SLC12A8: variants seen among roughly 807,000 people sequenced by gnomAD.
SLC12A8 encodes the protein solute carrier family 12 member 8, also known as cation-chloride cotransporter 9.
Under a neutral mutation model 75.6 loss-of-function variants are expected in SLC12A8, and 69 were observed. The observed-to-expected ratio is 0.91, with a 90% confidence interval of 0.75 to 1.11. SLC12A8 has a LOEUF of 1.11. Among genes scored for constraint, SLC12A8 ranks in the 50% most tolerant of loss-of-function variants. The probability of loss-of-function intolerance (pLI) is 0.00; values close to 1 mark genes in which losing one functional copy is unlikely to be tolerated. For synonymous variants in SLC12A8, 365 were observed against 372.8 expected (o/e 0.98, Z 0.24); for missense variants, 877 against 896.7 (o/e 0.98, Z 0.28).
intron 13 of SLC12A8, among the ~76,000 whole-genome samples, chr3:125,084,274 C>T (rs1029824522): frequency 6.6e-6 from 1 of 151,776 alleles, no homozygotes; most frequent in Non-Finnish European, 1.5e-5. Context: ...GTGATATTTA[C>T]CCTCCCTAAG....
intron 8 of SLC12A8, among the ~76,000 whole-genome samples, chr3:125,111,465 C>T (rs551844684): frequency 3.3e-5 from 5 of 152,320 alleles, no homozygotes; most frequent in East Asian, 1.9e-4. Flanking sequence ...CATCTGTACC[C>T]ACAGGAAAGC....
At chr3:125,156,100 T>A (rs147384475) in intron 5 of SLC12A8, among the ~76,000 whole-genome samples, 1 of 152,268 alleles carries the variant, frequency 6.6e-6, no homozygotes, top group Non-Finnish European at 1.5e-5. Context: ...CTCATCATGC[T>A]CTCACGGGGC....
intron 2 of SLC12A8, among the ~76,000 whole-genome samples, chr3:125,195,560 T>C (rs1934993214): frequency 6.6e-6 from 1 of 152,006 alleles, no homozygotes; most frequent in Non-Finnish European, 1.5e-5. Context: ...AAAGCTGGGG[T>C]TGAAATCTAG....
At chr3:125,090,807 T>C (rs2107731671) in intron 12 of SLC12A8, among the ~76,000 whole-genome samples, 1 of 152,354 alleles carries the variant, frequency 6.6e-6, no homozygotes, top group Non-Finnish European at 1.5e-5. Flanking sequence ...TGTTTGTGTC[T>C]TTACATATAA....
intron 10 of SLC12A8, among the ~76,000 whole-genome samples, chr3:125,101,500 C>T (rs141720846): frequency 8.5e-5 from 13 of 152,238 alleles, no homozygotes; most frequent in East Asian, 5.8e-4. Flanking sequence ...AAAAATAATA[C>T]GCTTTGGAAG....
chr3:125,088,378 G>A lies in SLC12A8; in HGVS notation c.1922-8C>T. On this transcript the variant is annotated splice_region_variant and splice_polypyrimidine_tract_variant and intron_variant, in intron 12 of 13. Coordinates refer to ENST00000469902, the MANE Select transcript of SLC12A8 (RefSeq NM_024628.6). Reference sequence around the variant, plus strand: ...TGAAGTTGGAGGCTGATCCTGCAGGGAAGACATATACATAACCATTTTTGA... The same window carrying A: ...TGAAGTTGGAGGCTGATCCTGCAGGAAAGACATATACATAACCATTTTTGA... The A allele has an allele frequency of 1.2e-6, 2 of 1,614,064 alleles. No individual in the cohort carries two copies. Among genetic ancestry groups the A allele is most frequent in the Non-Finnish European group, 1.7e-6 (2 of 1,179,952 alleles).
chr3:125,127,406 T>A (rs1003850800), intron 6 of SLC12A8, among the ~76,000 whole-genome samples: 5 of 152,212 alleles, frequency 3.3e-5, no homozygotes, highest in African/African-American at 1.2e-4. Context: ...ATGTGTTCTC[T>A]CTTTATGGGA....
chr3:125,124,961 A>T (rs1411718086), intron 6 of SLC12A8, among the ~76,000 whole-genome samples: 1 of 152,200 alleles, frequency 6.6e-6, no homozygotes, highest in Non-Finnish European at 1.5e-5. Context: ...TACATTTTTT[A>T]AAAAGTTCCA....
chr3:125,212,608 G>A (rs964583576), intron 1 of SLC12A8, 92 bp downstream of exon 1: 1 of 152,690 alleles, frequency 6.5e-6, no homozygotes, highest in Non-Finnish European at 1.5e-5. Flanking sequence ...TGGGGGCAAA[G>A]GTGACCCCAG....
chr3:125,086,258 A>G (rs1308006729), intron 13 of SLC12A8, among the ~76,000 whole-genome samples: 1 of 152,198 alleles, frequency 6.6e-6, no homozygotes, highest in Non-Finnish European at 1.5e-5. Context: ...AATAAGTTTG[A>G]TGTTGACTTA....
chr3:125,130,579 G>A (rs948119165), intron 6 of SLC12A8, among the ~76,000 whole-genome samples: 3 of 147,216 alleles, frequency 2.0e-5, no homozygotes, highest in African/African-American at 5.0e-5. Context: ...GTGACAGAGC[G>A]AGACCCTGTC....
rs536986298 is a variant in SLC12A8, at chr3:125,129,348, GGAGAAGGAATGCACTTT to G, written c.736+6304_736+6320del. On this transcript the variant is annotated intron_variant, in intron 6 of 13. Transcript: ENST00000469902. ...CAGGGAAAGTTTGGTAGTGGAGCTT[GGAGAAGGAATGCACTTT>G]GAGAAGGAATGCACTTTAAGAAGCA... Among the ~76,000 whole-genome samples, 79 of 152,302 alleles carry G rather than the reference GGAGAAGGAATGCACTTT, an allele frequency of 5.2e-4. No individual in the cohort carries two copies. The South Asian group carries it at 0.014, about 27-fold the overall frequency.
chr3:125,177,650 T>G (rs1934563184), intron 5 of SLC12A8, 93 bp downstream of exon 5: 2 of 843,488 alleles, frequency 2.4e-6, no homozygotes, highest in Non-Finnish European at 1.8e-6. Context: ...CTATGGGGGT[T>G]AGGGGGAGAT....
At chr3:125,127,636 C>T (rs1017913193) in intron 6 of SLC12A8, among the ~76,000 whole-genome samples, 2 of 152,212 alleles carry the variant, frequency 1.3e-5, no homozygotes, top group Non-Finnish European at 2.9e-5. Context: ...GAAGCCCAGG[C>T]TTCAACCACT....
At chr3:125,165,808 A>T (rs1010406047) in intron 5 of SLC12A8, among the ~76,000 whole-genome samples, 2 of 152,180 alleles carry the variant, frequency 1.3e-5, no homozygotes, top group African/African-American at 4.8e-5. Context: ...CCCTCCGCAG[A>T]CACAGTGCCA....
intron 5 of SLC12A8, among the ~76,000 whole-genome samples, chr3:125,147,329 C>A (rs1395650005): frequency 2.6e-5 from 4 of 152,226 alleles, no homozygotes; most frequent in Non-Finnish European, 1.5e-5. Context: ...CCTGACCTTG[C>A]AGCTTCAGGC....
intron 5 of SLC12A8, among the ~76,000 whole-genome samples, chr3:125,165,899 T>C (rs1934275931): frequency 6.6e-6 from 1 of 152,186 alleles, no homozygotes; most frequent in African/African-American, 2.4e-5. Flanking sequence ...CTGGGGAGAT[T>C]CTGGGTGTGT....
intron 10 of SLC12A8, among the ~76,000 whole-genome samples, chr3:125,097,168 C>T (rs940457930): frequency 6.6e-6 from 1 of 152,052 alleles, no homozygotes; most frequent in African/African-American, 2.4e-5. Flanking sequence ...AGGTGCATCA[C>T]AAGGTCAAGA....
chr3:125,164,927 G>A (rs912625807), intron 5 of SLC12A8, among the ~76,000 whole-genome samples: 1 of 152,230 alleles, frequency 6.6e-6, no homozygotes, highest in Admixed American at 6.5e-5. Context: ...ACAGGGTTAA[G>A]AACCCCAGGG....
Sources: gnomAD v4.1 joint callset for allele counts (sites outside exome capture counted in the v4.1 genomes callset) on GRCh38, gnomAD v4.1.1 for gene constraint, MANE v1.5 for transcripts, NCBI Gene and HGNC (gene_info 2026-07-23, HGNC 2026-07-21) for gene names.